AP1B1: variants seen among roughly 807,000 people sequenced by gnomAD.
AP1B1 encodes the protein adaptor related protein complex 1 subunit beta 1, also known as AP-1 complex subunit beta-1.
AP1B1 carries 36 observed loss-of-function variants against 104.3 expected under a neutral mutation model. The observed-to-expected ratio is 0.35, with a 90% CI of 0.26 to 0.46. The LOEUF (loss-of-function observed/expected upper bound fraction) is 0.46. AP1B1 is among the 20% of genes least tolerant of loss of function. AP1B1 has a pLI of 1.00. For missense variants in AP1B1, 901 were observed against 1,247.9 expected (o/e 0.72, Z 4.19); for synonymous variants, 504 against 517.5 (o/e 0.97, Z 0.35).
chr22:29,377,350 C>A (rs1379902989), intron 1 of AP1B1, among the ~76,000 whole-genome samples: 1 of 152,084 alleles, frequency 6.6e-6, no homozygotes, highest in East Asian at 1.9e-4. Flanking sequence ...TCTGAGAAAA[C>A]GTGGTTACCA....
Position 29,350,075 on chromosome 22 carries a change from T to C in AP1B1, c.1231A>G (p.Ile411Val). 1 of 1,614,186 alleles carries C rather than the reference T, an allele frequency of 6.2e-7. No individual in the cohort carries two copies. The highest frequency in any genetic ancestry group is 8.5e-7 in the Non-Finnish European group (1 of 1,180,014). ...CGGAAGATGTCCTTGATGACCACGA[T>C]GGCCTCCTGGACCACATAGTTGACC... ...TKVNYVVQEA[I>V]VVIKDIFRKY... is the part of the protein sequence containing the mutation. The change falls in exon 10 of 23, where the codon ATC becomes GTC. Residue 411 changes from isoleucine (I) to valine (V), a missense_variant. Physicochemically the swap from Ile to Val is conservative, Grantham distance 29 (BLOSUM62 3). This residue lies in a region of AP1B1 where 471 missense variants were observed against 696.7 expected (regional missense o/e 0.68). Transcript: ENST00000357586.
At position 29,358,873 on chromosome 22, in the gene AP1B1, G is replaced by A; in HGVS notation, c.378C>T (p.Leu126=). Residue 126 remains leucine (L), a synonymous_variant, in exon 5 of 23, where the codon CTC becomes CTT. Coordinates refer to ENST00000357586, the MANE Select transcript of AP1B1 (RefSeq NM_001127.4). The stretch of plus-strand genomic sequence containing the variant: ...GATCCTCGTCCTTCAGGCACTTCCG[G>A]AGTGGCTCGCACAGGTACTCTGTGA... ...DKITEYLCEP[L]RKCLKDEDPY... is the part of the protein sequence containing the mutation. The A allele has an allele frequency of 1.2e-6, 2 of 1,614,144 alleles. No homozygotes were observed. The highest frequency in any genetic ancestry group is 1.7e-6 in the Non-Finnish European group (2 of 1,180,002).
At chr22:29,342,953 C>T (rs952915947) in intron 11 of AP1B1, among the ~76,000 whole-genome samples, 10 of 152,232 alleles carry the variant, frequency 6.6e-5, no homozygotes, top group Non-Finnish European at 1.3e-4. Context: ...ATGCCAACCC[C>T]ACCTCCAGAC....
Position 29,331,467 on chromosome 22 carries a change from C to T in AP1B1, c.2506G>A (p.Val836Met), listed in dbSNP as rs747171072. ...STLYPLHILF[V>M]EDGKMDRQMF... ...GACTCACCCATCTTCCCGTCCTCCA[C>T]AAAGAGGATGTGCAGTGGGTACAAG... The change falls in exon 19 of 23, where the codon GTG (valine) becomes ATG (methionine). Residue 836 changes from valine (V) to methionine (M), a missense_variant. This residue lies in a region of AP1B1 where 424 missense variants were observed against 494.0 expected (regional missense o/e 0.86). Coordinates refer to ENST00000357586, the MANE Select transcript of AP1B1 (RefSeq NM_001127.4). 27 of 1,614,222 alleles carry T rather than the reference C, an allele frequency of 1.7e-5. No homozygotes were observed. Among genetic ancestry groups the T allele is most frequent in the Non-Finnish European group, 2.3e-5 (27 of 1,180,036 alleles).
intron 17 of AP1B1, 75 bp downstream of exon 17, chr22:29,334,190 C>A (rs1189567395): frequency 5.7e-6 from 8 of 1,413,898 alleles, no homozygotes; most frequent in East Asian, 2.5e-5. Flanking sequence ...TGCCTGCAGT[C>A]CCCAGAACAG....
chr22:29,338,122 G>A (rs546348440), intron 16 of AP1B1, among the ~76,000 whole-genome samples: 1 of 152,254 alleles, frequency 6.6e-6, no homozygotes, highest in South Asian at 2.1e-4. Flanking sequence ...GTAGTGGGCT[G>A]GAGTCAGGGA....
At chr22:29,337,842 G>C (rs577276858) in intron 16 of AP1B1, among the ~76,000 whole-genome samples, 21 of 152,320 alleles carry the variant, frequency 1.4e-4, no homozygotes, top group African/African-American at 4.8e-4. Context: ...CCTCCTCCCT[G>C]CCACGGAATC....
chr22:29,354,552 T>C, intron 7 of AP1B1, 98 bp downstream of exon 7: 1 of 1,180,158 alleles, frequency 8.5e-7, no homozygotes, highest in Non-Finnish European at 1.2e-6. Context: ...TGAGACTTCC[T>C]GCATGGTGAC....
chr22:29,329,559 T>A, intron 22 of AP1B1, 153 bp downstream of exon 22: 1 of 1,497,448 alleles, frequency 6.7e-7, no homozygotes, highest in Non-Finnish European at 8.9e-7. Context: ...AAGTGGGGTG[T>A]CAGCACCTCA....
At chr22:29,349,515 G>GT in intron 10 of AP1B1, 132 bp from the exon 11 acceptor site, 87 of 889,906 alleles carry the variant, frequency 9.8e-5, no homozygotes, top group Non-Finnish European at 1.4e-4. Flanking sequence ...GGGGATCTGA[G>GT]TTTTGTTTTT....
chr22:29,365,473 CAG>C (rs986825954), intron 2 of AP1B1, among the ~76,000 whole-genome samples: 1 of 152,076 alleles, frequency 6.6e-6, no homozygotes, highest in Non-Finnish European at 1.5e-5. Flanking sequence ...GCCTGGGTGA[CAG>C]AGACTCTGTC....
At chr22:29,339,877 G>C in intron 14 of AP1B1, 103 bp from the exon 15 acceptor site, 21 of 1,257,608 alleles carry the variant, frequency 1.7e-5, no homozygotes, top group Non-Finnish European at 1.9e-5. Context: ...GAAAGAGGGA[G>C]ATTAGTCAAC....
intron 16 of AP1B1, among the ~76,000 whole-genome samples, chr22:29,335,288 C>A (rs1264563610): frequency 6.6e-6 from 1 of 152,146 alleles, no homozygotes; most frequent in Admixed American, 6.5e-5. Flanking sequence ...GCTCACAGGC[C>A]CCTTGAGGTG....
chr22:29,344,005 G>A (rs751266126), intron 11 of AP1B1, among the ~76,000 whole-genome samples: 1 of 151,784 alleles, frequency 6.6e-6, no homozygotes. Flanking sequence ...CAGCTACTCG[G>A]AGGCTGAGGC....
chr22:29,378,631 G>A (rs1392761826), intron 1 of AP1B1, among the ~76,000 whole-genome samples: 1 of 150,692 alleles, frequency 6.6e-6, no homozygotes, highest in South Asian at 2.1e-4. Context: ...AGGCCGAGGC[G>A]GGCGGATCAT....
chr22:29,329,463 G>A, intron 22 of AP1B1: 2 of 1,381,946 alleles, frequency 1.4e-6, no homozygotes, highest in South Asian at 1.7e-5. Context: ...TAGGAAGTGG[G>A]AACAATGGAG....
intron 22 of AP1B1, 193 bp from the exon 23 acceptor site, chr22:29,329,088 A>G (rs1469341544): frequency 5.7e-6 from 8 of 1,399,542 alleles, no homozygotes; most frequent in Non-Finnish European, 7.4e-6. Flanking sequence ...GTGTGGACCA[A>G]ATATACTTGC....
At chr22:29,387,446 T>G (rs947289212) in intron 1 of AP1B1, among the ~76,000 whole-genome samples, 2 of 152,160 alleles carry the variant, frequency 1.3e-5, no homozygotes, top group Non-Finnish European at 2.9e-5. Context: ...TAGCTGGGAT[T>G]ACAGGCGTAC....
intron 1 of AP1B1, among the ~76,000 whole-genome samples, chr22:29,384,868 GA>G (rs890469890): frequency 5.0e-4 from 73 of 145,622 alleles, no homozygotes; most frequent in Admixed American, 9.5e-4. Context: ...ACTCTGTCTG[GA>G]AAAAAAAAAA....
Sources: allele counts gnomAD v4.1 joint callset (sites outside exome capture counted in the v4.1 genomes callset), GRCh38; gene constraint gnomAD v4.1.1; regional missense constraint gnomAD v4.1.1; transcripts MANE v1.5; gene names NCBI Gene and HGNC (gene_info 2026-07-23, HGNC 2026-07-21).